KCNK1: variants seen among roughly 807,000 people sequenced by gnomAD.
KCNK1 encodes the protein potassium two pore domain channel subfamily K member 1, also known as potassium channel subfamily K member 1.
Under a neutral mutation model 22.2 loss-of-function variants are expected in KCNK1, and 10 were observed. The observed-to-expected ratio is 0.45, with a 90% CI of 0.28 to 0.76. KCNK1 has a LOEUF of 0.76. KCNK1 is among the 30% of genes least tolerant of loss of function. The pLI, the probability that KCNK1 is intolerant of heterozygous loss-of-function variation, is 0.14. For missense variants in KCNK1, 378 were observed against 421.0 expected (o/e 0.90, Z 0.89); for synonymous variants, 200 against 186.4 (o/e 1.07, Z -0.60).
In KCNK1 at chr1:233,614,168, G is replaced by A. The variant is rs760362939; in HGVS notation, c.-4G>A. On this transcript the variant is annotated 5_prime_UTR_variant, in exon 1 of 3. Transcript: ENST00000366621. ...CGTTGGCCTTGGCGGCGGCGGTGGA[G>A]AAGATGCTGCAGTCCCTGGCCGGCA... 11 of 1,593,890 alleles carry A rather than the reference G, an allele frequency of 6.9e-6. No individual in the cohort carries two copies. The highest frequency in any genetic ancestry group is 2.3e-5 in the East Asian group (1 of 44,440).
intron 1 of KCNK1, among the ~76,000 whole-genome samples, chr1:233,642,845 T>C (rs1485164542): frequency 6.6e-6 from 1 of 151,776 alleles, no homozygotes; most frequent in Non-Finnish European, 1.5e-5. Flanking sequence ...CTAGGCTCAC[T>C]GCAACCACTG....
At chr1:233,637,611 C>G (rs1187530794) in intron 1 of KCNK1, among the ~76,000 whole-genome samples, 2 of 152,162 alleles carry the variant, frequency 1.3e-5, no homozygotes, top group African/African-American at 4.8e-5. Context: ...GAATGACCAG[C>G]CTTTTGATGG....
chr1:233,614,592 C>A, intron 1 of KCNK1, 66 bp downstream of exon 1: 1 of 1,317,122 alleles, frequency 7.6e-7, no homozygotes, highest in East Asian at 2.5e-5. Context: ...CACCCCGGCC[C>A]CGGCGCCCCG....
intron 1 of KCNK1, among the ~76,000 whole-genome samples, chr1:233,618,067 A>G (rs182105918): frequency 3.0e-4 from 46 of 152,328 alleles, no homozygotes; most frequent in African/African-American, 8.7e-4. Flanking sequence ...TTCTCAGGAT[A>G]TAGGATGGGC....
At chr1:233,649,173 T>A (rs1288705607) in intron 1 of KCNK1, among the ~76,000 whole-genome samples, 1 of 152,200 alleles carries the variant, frequency 6.6e-6, no homozygotes, top group Non-Finnish European at 1.5e-5. Flanking sequence ...ATCTGCACCC[T>A]AGGGACAAAG....
chr1:233,621,528 GCAATATAGTAATCCACGTC>G (rs1399562751), intron 1 of KCNK1, among the ~76,000 whole-genome samples: 2 of 152,128 alleles, frequency 1.3e-5, no homozygotes, highest in Non-Finnish European at 2.9e-5. Context: ...GTTTTAGAGC[GCAATATAGTAATCCACGTC>G]CTTGAATCAT....
Position 233,640,271 on chromosome 1 carries a change from G to A in KCNK1, c.355+25745G>A, listed in dbSNP as rs143771410. Among the ~76,000 whole-genome samples, 964 of 152,220 alleles carry A rather than the reference G, an allele frequency of 6.3e-3. 4 individuals carry two copies. The highest frequency in any genetic ancestry group is 0.015 in the African/African-American group (630 of 41,540). ...AACATTTATAAGAAATACCAATTAT[G>A]CAGTGTTGGTGTCAGTGTGGACTTA... On this transcript the variant is annotated intron_variant, in intron 1 of 2. Coordinates refer to ENST00000366621, the MANE Select transcript of KCNK1 (RefSeq NM_002245.4).
chr1:233,634,630 A>G (rs1340928930), intron 1 of KCNK1, among the ~76,000 whole-genome samples: 1 of 152,198 alleles, frequency 6.6e-6, no homozygotes, highest in Non-Finnish European at 1.5e-5. Context: ...AGCAGGGCTC[A>G]TGGGATTGTT....
intron 1 of KCNK1, among the ~76,000 whole-genome samples, chr1:233,644,492 T>G (rs1464251870): frequency 6.6e-6 from 1 of 152,212 alleles, no homozygotes; most frequent in Non-Finnish European, 1.5e-5. Context: ...TTCAATTAGA[T>G]AGTAGTGGGG....
intron 1 of KCNK1, among the ~76,000 whole-genome samples, chr1:233,642,973 G>T (rs545579350): frequency 1.3e-5 from 2 of 151,112 alleles, no homozygotes; most frequent in Non-Finnish European, 2.9e-5. Context: ...GTAGAGATGG[G>T]GTTTCACCGT....
intron 1 of KCNK1, among the ~76,000 whole-genome samples, chr1:233,632,588 G>A (rs189342688): frequency 8.7e-4 from 133 of 152,234 alleles, no homozygotes; most frequent in Admixed American, 1.8e-3. Flanking sequence ...GGCTTCACAA[G>A]GGGCTCTGGT....
intron 1 of KCNK1, among the ~76,000 whole-genome samples, chr1:233,641,952 G>A (rs1261470617): frequency 6.6e-6 from 1 of 152,180 alleles, no homozygotes; most frequent in Admixed American, 6.5e-5. Flanking sequence ...AATAAAATTT[G>A]TTGATATCAG....
chr1:233,665,698 C>T (rs1247170086), intron 1 of KCNK1, among the ~76,000 whole-genome samples: 1 of 152,230 alleles, frequency 6.6e-6, no homozygotes, highest in South Asian at 2.1e-4. Flanking sequence ...CAGAGCCTTC[C>T]CGGCAAATGC....
chr1:233,614,965 C>T (rs1657460698), intron 1 of KCNK1, among the ~76,000 whole-genome samples: 1 of 152,240 alleles, frequency 6.6e-6, no homozygotes, highest in African/African-American at 2.4e-5. Context: ...GGAAACTCAC[C>T]ACCTTCCTCC....
At chr1:233,618,678 G>C (rs1485469742) in intron 1 of KCNK1, among the ~76,000 whole-genome samples, 1 of 152,140 alleles carries the variant, frequency 6.6e-6, no homozygotes, top group East Asian at 1.9e-4. Context: ...GAGGTCAAGA[G>C]ATCAAGACCA....
chr1:233,637,520 C>T (rs1182617605), intron 1 of KCNK1: 1 of 152,202 alleles, frequency 6.6e-6, no homozygotes, highest in African/African-American at 2.4e-5. Context: ...TTTCACCATC[C>T]TTTCTTTCAA....
intron 1 of KCNK1, among the ~76,000 whole-genome samples, chr1:233,615,988 TC>T (rs1657482973): frequency 6.6e-6 from 1 of 152,244 alleles, no homozygotes; most frequent in African/African-American, 2.4e-5. Flanking sequence ...ACCTGTTATC[TC>T]ACTTTCCAAA....
At chr1:233,659,450 A>C (rs1658354097) in intron 1 of KCNK1, among the ~76,000 whole-genome samples, 1 of 150,342 alleles carries the variant, frequency 6.7e-6, no homozygotes. Context: ...AAAAATGTCA[A>C]ATGTAAACCA....
intron 1 of KCNK1, among the ~76,000 whole-genome samples, chr1:233,632,237 T>C (rs887417787): frequency 6.6e-6 from 1 of 152,248 alleles, no homozygotes; most frequent in Non-Finnish European, 1.5e-5. Flanking sequence ...ATTTCTTTGA[T>C]GACAGGTTCT....
Sources: allele counts gnomAD v4.1 joint callset (sites outside exome capture counted in the v4.1 genomes callset), GRCh38; gene constraint gnomAD v4.1.1; transcripts MANE v1.5; gene names NCBI Gene and HGNC (gene_info 2026-07-23, HGNC 2026-07-21).